The following DPH6 variants were observed in gnomAD, a reference collection of about 807,000 sequenced individuals.
DPH6 encodes diphthamine biosynthesis 6, also known as diphthine--ammonia ligase.
Under a neutral mutation model 38.2 loss-of-function variants are expected in DPH6, and 33 were observed. The observed-to-expected ratio is 0.86, with a 90% CI of 0.65 to 1.15. The LOEUF is 1.15. Ranked by LOEUF, DPH6 falls within the 50% of genes most tolerant of loss-of-function variation. DPH6 has a pLI of 0.00. For synonymous variants in DPH6, 108 were observed against 103.0 expected (o/e 1.05, Z -0.30); for missense variants, 325 against 320.0 (o/e 1.02, Z -0.12).
rs183635111 is a variant in DPH6 at position 35,479,356 on chromosome 15, T to C, written c.313-24536A>G. ...TCTTAAAGTTTTGATTCTCGACACA[T>C]TGAAAAGTGTATTGTAGACCCTCTG... is the stretch of plus-strand genomic sequence containing the variant. On this transcript the variant is annotated intron_variant, in intron 3 of 8. Coordinates refer to ENST00000256538, the MANE Select transcript of DPH6 (RefSeq NM_080650.4). 1.4e-3 allele frequency among the ~76,000 whole-genome samples: 206 copies of C among 152,222 alleles called. 2 individuals carry two copies. Among genetic ancestry groups the C allele is most frequent in the African/African-American group, 4.8e-3 (200 of 41,560 alleles).
At chr15:35,208,869 T>C in the DPH6 span, among the ~76,000 whole-genome samples, 4 of 152,288 alleles carry the variant, frequency 2.6e-5, no homozygotes, top group South Asian at 6.2e-4. Flanking sequence ...GTGTATTCCA[T>C]GGGAGACTTG....
At chr15:35,283,216 CTCTTCTTTCTTCTT>C (rs991579675) in intron 3 of DPH6, among the ~76,000 whole-genome samples, 1 of 146,698 alleles carries the variant, frequency 6.8e-6, no homozygotes, top group African/African-American at 2.5e-5. Flanking sequence ...CTTCCTCTTC[CTCTTCTTTCTTCTT>C]TCTTCCTCTT....
At chr15:35,380,449 T>C (rs1256351792) in intron 7 of DPH6, among the ~76,000 whole-genome samples, 1 of 152,222 alleles carries the variant, frequency 6.6e-6, no homozygotes, top group Non-Finnish European at 1.5e-5. Context: ...TGTAATTCCA[T>C]GTTGTCCATA....
chr15:35,348,328 A>G (rs985491057), intron 3 of DPH6, among the ~76,000 whole-genome samples: 2 of 152,180 alleles, frequency 1.3e-5, no homozygotes, highest in African/African-American at 4.8e-5. Flanking sequence ...CTTTTTGTAT[A>G]TGGTGTAAGA....
chr15:35,215,537 C>T (rs2051406746), downstream of DPH6, among the ~76,000 whole-genome samples: 1 of 152,138 alleles, frequency 6.6e-6, no homozygotes, highest in South Asian at 2.1e-4. Flanking sequence ...GCGTGCACAA[C>T]CACACCCAGC....
intron 3 of DPH6, among the ~76,000 whole-genome samples, chr15:35,322,245 C>T (rs537840764): frequency 6.6e-6 from 1 of 152,330 alleles, no homozygotes; most frequent in Admixed American, 6.5e-5. Context: ...ATTATAGACA[C>T]TATCCCTACA....
At chr15:35,364,234 GA>G (rs2052637578) in intron 3 of DPH6, among the ~76,000 whole-genome samples, 1 of 151,694 alleles carries the variant, frequency 6.6e-6, no homozygotes, top group Non-Finnish European at 1.5e-5. Flanking sequence ...TATATATGTG[GA>G]AAAGCCTAAA....
At chr15:35,248,476 G>A (rs968527712) in intron 3 of DPH6, among the ~76,000 whole-genome samples, 6 of 152,310 alleles carry the variant, frequency 3.9e-5, no homozygotes, top group African/African-American at 1.4e-4. Context: ...CACAGGCCTT[G>A]CTGGGTCCCA....
At chr15:35,341,515 G>C (rs953518133) in intron 3 of DPH6, among the ~76,000 whole-genome samples, 2 of 152,186 alleles carry the variant, frequency 1.3e-5, no homozygotes, top group African/African-American at 4.8e-5. Flanking sequence ...ATTTTCCTTT[G>C]ATCTTTGAGG....
chr15:35,165,020 A>G, the DPH6 span, among the ~76,000 whole-genome samples: 8 of 151,854 alleles, frequency 5.3e-5, no homozygotes, highest in East Asian at 1.9e-4. Context: ...AAACTTACAT[A>G]TATAACATTT....
chr15:35,430,352 C>G (rs2053616620), intron 5 of DPH6, among the ~76,000 whole-genome samples: 1 of 146,934 alleles, frequency 6.8e-6, no homozygotes, highest in Non-Finnish European at 1.5e-5. Flanking sequence ...TGTACTTTAA[C>G]TTTTTTTTTG....
intron 6 of DPH6, among the ~76,000 whole-genome samples, chr15:35,384,588 A>C (rs2052919472): frequency 6.6e-6 from 1 of 152,068 alleles, no homozygotes; most frequent in African/African-American, 2.4e-5. Flanking sequence ...GCTTGAACCC[A>C]GGAGGCGGAG....
At chr15:35,175,389 A>T in the DPH6 span, among the ~76,000 whole-genome samples, 1 of 152,210 alleles carries the variant, frequency 6.6e-6, no homozygotes, top group Non-Finnish European at 1.5e-5. Flanking sequence ...TCACAGCAAC[A>T]GCTCTTCTCT....
chr15:35,326,008 T>C (rs2052279021), downstream of DPH6, among the ~76,000 whole-genome samples: 1 of 152,018 alleles, frequency 6.6e-6, no homozygotes, highest in Non-Finnish European at 1.5e-5. Context: ...TACCACAATA[T>C]ACCAATCAGA....
chr15:35,541,045 T>C (rs2055245990), intron 2 of DPH6, among the ~76,000 whole-genome samples: 1 of 152,100 alleles, frequency 6.6e-6, no homozygotes, highest in South Asian at 2.1e-4. Context: ...CTATTCATCC[T>C]CAAAGAATTT....
At chr15:35,341,574 G>T (rs756382062) in intron 3 of DPH6, among the ~76,000 whole-genome samples, 1 of 152,072 alleles carries the variant, frequency 6.6e-6, no homozygotes, top group Non-Finnish European at 1.5e-5. Flanking sequence ...TGTTGATGTT[G>T]TTTTTTCTGT....
rs1264825781 is a variant in DPH6 at position 35,371,729 on chromosome 15, A to C, written c.*421T>G. ...GGCGACACCCAGTAGAATAAGCTTG[A>C]CTGGCTAAATAAAGTGACCATCTTT... On this transcript the variant is annotated 3_prime_UTR_variant, in exon 9 of 9. Coordinates refer to ENST00000256538, the MANE Select transcript of DPH6 (RefSeq NM_080650.4). 1.3e-5 allele frequency: 13 copies of C among 987,600 alleles called. No individual in the cohort carries two copies. Among genetic ancestry groups the C allele is most frequent in the Non-Finnish European group, 1.4e-5 (12 of 831,612 alleles). The allele number at this position is 987,600 out of a possible 1,614,324, so 61.2% of individuals were successfully genotyped here. A position where few individuals can be genotyped will look rare whatever the true frequency, so the allele number is the denominator to read the frequency against.
At chr15:35,301,217 C>G (rs1291895568) in intron 3 of DPH6, among the ~76,000 whole-genome samples, 1 of 152,190 alleles carries the variant, frequency 6.6e-6, no homozygotes, top group East Asian at 1.9e-4. Flanking sequence ...AATAGGTAAC[C>G]ATGACTTTGT....
chr15:35,496,797 A>G (rs543158574), intron 3 of DPH6, among the ~76,000 whole-genome samples: 102 of 151,956 alleles, frequency 6.7e-4, no homozygotes, highest in Non-Finnish European at 1.1e-3. Flanking sequence ...TTCTCCAGCC[A>G]TTCACATAAT....
Sources: allele counts gnomAD v4.1 joint callset (sites outside exome capture counted in the v4.1 genomes callset), GRCh38; gene constraint gnomAD v4.1.1; transcripts MANE v1.5; gene names NCBI Gene and HGNC (gene_info 2026-07-23, HGNC 2026-07-21).